IKZF2: variants seen among roughly 807,000 people sequenced by gnomAD.
IKZF2 encodes the protein zinc finger protein Helios.
A neutral mutation model predicts 49.2 loss-of-function variants in IKZF2; 15 were observed. That is an observed-to-expected ratio of 0.30 (90% CI 0.20 to 0.47). The LOEUF (loss-of-function observed/expected upper bound fraction) is 0.47. Ranked by LOEUF, IKZF2 falls within the 20% of genes least tolerant of loss-of-function variation. IKZF2 has a pLI of 1.00. For synonymous variants in IKZF2, 227 were observed against 221.4 expected, an observed-to-expected ratio of 1.03 and a Z score of -0.23; for missense variants, 567 against 664.6, an observed-to-expected ratio of 0.85 and a Z score of 1.61.
At chr2:213,150,762 C>T (rs2061258340) in intron 1 of IKZF2, among the ~76,000 whole-genome samples, 1 of 151,006 alleles carries the variant, frequency 6.6e-6, no homozygotes, top group African/African-American at 2.4e-5. Context: ...GGAACCCAGG[C>T]CAACTTCACA....
chr2:213,016,309 A>G (rs1415406046), intron 7 of IKZF2, among the ~76,000 whole-genome samples: 1 of 152,120 alleles, frequency 6.6e-6, no homozygotes, highest in African/African-American at 2.4e-5. Context: ...TCTAGTTAGT[A>G]GAGAATGTTA....
chr2:213,086,586 C>T (rs909977512), intron 4 of IKZF2, among the ~76,000 whole-genome samples: 5 of 152,078 alleles, frequency 3.3e-5, no homozygotes, highest in African/African-American at 7.2e-5. Flanking sequence ...ACCTTTACTG[C>T]ATATCCCTAA....
chr2:213,054,988 T>G (rs1701007742), intron 5 of IKZF2, among the ~76,000 whole-genome samples: 1 of 152,172 alleles, frequency 6.6e-6, no homozygotes, highest in Non-Finnish European at 1.5e-5. Context: ...AATCACTGAT[T>G]AACCTAAATT....
rs933009266 is a variant in IKZF2 at position 213,004,406 on chromosome 2, T to C, written c.*2954A>G. On this transcript the variant is annotated 3_prime_UTR_variant, in exon 9 of 9. Coordinates refer to ENST00000434687, the MANE Select transcript of IKZF2 (RefSeq NM_001387220.1). ...ATGGCTTTTGAGCATGATTCATCAC[T>C]GTCAGAGAGAGGCTAAGATAAAATT... The C allele has an allele frequency of 6.6e-6, 1 of 151,924 alleles. No individual in the cohort carries two copies. The highest frequency in any genetic ancestry group is 2.4e-5 in the African/African-American group (1 of 41,420). The allele number at this position is 151,924 out of a possible 1,614,324, so 9.4% of individuals were successfully genotyped here.
intron 6 of IKZF2, among the ~76,000 whole-genome samples, chr2:213,033,409 T>C (rs1373237764): frequency 6.6e-6 from 1 of 152,226 alleles, no homozygotes; most frequent in Non-Finnish European, 1.5e-5. Context: ...TCAGTTTACT[T>C]TGCCCACATC....
chr2:213,036,991 C>T (rs1699099870), intron 6 of IKZF2, among the ~76,000 whole-genome samples: 1 of 152,208 alleles, frequency 6.6e-6, no homozygotes, highest in East Asian at 1.9e-4. Context: ...CTTCTGGATA[C>T]TAGGTGAGTA....
chr2:213,027,587 A>G (rs1697954944), intron 6 of IKZF2, among the ~76,000 whole-genome samples: 1 of 152,016 alleles, frequency 6.6e-6, no homozygotes. Context: ...TGGGTTTATT[A>G]CAGAGTTGTT....
intron 4 of IKZF2, among the ~76,000 whole-genome samples, chr2:213,068,492 A>C (rs527306514): frequency 6.6e-6 from 1 of 152,106 alleles, no homozygotes. Flanking sequence ...CCTTCAATCT[A>C]TGGTATCTAT....
At chr2:213,032,470 AC>A (rs1367490268) in intron 6 of IKZF2, among the ~76,000 whole-genome samples, 6 of 152,344 alleles carry the variant, frequency 3.9e-5, no homozygotes, top group Non-Finnish European at 8.8e-5. Context: ...GCAGTGGCTC[AC>A]ACCTGTAATA....
chr2:213,036,432 C>T (rs1404558538), intron 6 of IKZF2, among the ~76,000 whole-genome samples: 1 of 152,062 alleles, frequency 6.6e-6, no homozygotes, highest in African/African-American at 2.4e-5. Context: ...TTGTAATAGA[C>T]TAATACTTAT....
chr2:213,007,410 G>A lies in IKZF2; in HGVS notation c.1531C>T (p.Arg511Cys), dbSNP rs1049405643. Residue 511 changes from arginine to cysteine, a missense_variant, in exon 9 of 9, where the codon CGT (arginine) becomes TGT (cysteine). By Grantham distance (180) the Arg-to-Cys change is radical. Around this residue, in one of 5 missense-constraint regions of IKZF2, gnomAD observed 25 missense variants for 27.0 expected, o/e 0.93. Coordinates refer to ENST00000434687, the MANE Select transcript of IKZF2 (RefSeq NM_001387220.1). ...CNICGYRSQD[R>C]YEFSSHIVRG... ...ACAATGTGTGATGAAAACTCATAAC[G>A]GTCCTGGCTTCTGTAGCCACAGATG... The A allele has an allele frequency of 5.0e-6, 8 of 1,613,330 alleles. No individual in the cohort carries two copies. The highest frequency in any genetic ancestry group is 1.6e-4 in the Middle Eastern group (1 of 6,068).
chr2:213,127,709 CA>C (rs1323029531), intron 4 of IKZF2, among the ~76,000 whole-genome samples: 1 of 152,138 alleles, frequency 6.6e-6, no homozygotes, highest in Non-Finnish European at 1.5e-5. Context: ...AATTTGAAAT[CA>C]ATAACACACT....
rs11475792 is a variant in IKZF2, at chr2:213,000,683, TA to T, written c.*6676del. 0.48 allele frequency: 72,509 copies of T among 151,464 alleles called. 19,204 individuals are homozygous for T. The highest frequency in any genetic ancestry group is 0.68 in the East Asian group (3,474 of 5,140). 9.4% of individuals were successfully genotyped at this position (151,464 alleles called of 1,614,324 possible). A position where few individuals can be genotyped will look rare whatever the true frequency, so the allele number is the denominator to read the frequency against. On this transcript the variant is annotated 3_prime_UTR_variant, in exon 9 of 9. Coordinates refer to ENST00000434687, the MANE Select transcript of IKZF2 (RefSeq NM_001387220.1). Reference sequence around the variant, plus strand: ...AAAACAGGACTGCTCCAAATATTTTTAAAAAAAATTTCTCCAATAGGTGATA... The same window carrying T: ...AAAACAGGACTGCTCCAAATATTTTTAAAAAAATTTCTCCAATAGGTGATA...
At chr2:213,045,295 A>G (rs545811033) in intron 6 of IKZF2, among the ~76,000 whole-genome samples, 34 of 152,350 alleles carry the variant, frequency 2.2e-4, no homozygotes, top group African/African-American at 6.7e-4. Context: ...CTGTAGATGC[A>G]GTTTTAGCTG....
At chr2:213,143,475 T>C (rs1004452094) in intron 4 of IKZF2, among the ~76,000 whole-genome samples, 3 of 152,034 alleles carry the variant, frequency 2.0e-5, no homozygotes, top group Admixed American at 6.6e-5. Context: ...TTCCTTTTTT[T>C]TCCCTTTTTT....
At chr2:213,045,529 C>G (rs1175769374) in intron 6 of IKZF2, among the ~76,000 whole-genome samples, 6 of 152,072 alleles carry the variant, frequency 3.9e-5, no homozygotes, top group African/African-American at 1.4e-4. Flanking sequence ...TCTTGACATT[C>G]CAAAAAACAT....
intron 1 of IKZF2, among the ~76,000 whole-genome samples, chr2:213,150,702 A>AGGGG (rs368805396): frequency 2.5e-5 from 1 of 39,752 alleles, no homozygotes; most frequent in African/African-American, 9.1e-5. Context: ...CTGAAAGAAA[A>AGGGG]GGGGGGGGGG....
At chr2:213,150,464 T>TCCTCCTCCTCCC (rs2061244820) in intron 1 of IKZF2, 1 of 241,548 alleles carries the variant, frequency 4.1e-6, no homozygotes, top group Non-Finnish European at 8.3e-6. Flanking sequence ...CCCCTCCTCC[T>TCCTCCTCCTCCC]CCTCCTCCTC....
chr2:213,050,189 A>G (rs1024056541), intron 5 of IKZF2, among the ~76,000 whole-genome samples: 2 of 152,182 alleles, frequency 1.3e-5, no homozygotes, highest in Non-Finnish European at 2.9e-5. Flanking sequence ...AGGGCCTTAC[A>G]CACAATTGGA....
Sources: gnomAD v4.1 joint callset for allele counts (sites outside exome capture counted in the v4.1 genomes callset) on GRCh38, gnomAD v4.1.1 for gene constraint, gnomAD v4.1.1 regional missense constraint, MANE v1.5 for transcripts, NCBI Gene and HGNC (gene_info 2026-07-23, HGNC 2026-07-21) for gene names.